The following BMPR1A variants were observed in gnomAD, a reference collection of about 807,000 sequenced individuals.
BMPR1A encodes the protein bone morphogenetic protein receptor type 1A.
A neutral mutation model predicts 66.0 loss-of-function variants in BMPR1A; 7 were observed. That is an observed-to-expected ratio of 0.11 (90% confidence interval 0.06 to 0.20). The LOEUF (loss-of-function observed/expected upper bound fraction) is 0.20. BMPR1A is among the 10% of genes least tolerant of loss of function. BMPR1A has a pLI of 1.00. For missense variants in BMPR1A, 408 were observed against 669.1 expected (o/e 0.61, Z 4.31); for synonymous variants, 200 against 229.7 (o/e 0.87, Z 1.17).
rs142292233 is a variant in BMPR1A at position 86,793,094 on chromosome 10, A to ACC, written c.-268+36183_-268+36184dup. Among the ~76,000 whole-genome samples the ACC allele has an allele frequency of 2.8e-3, 293 of 106,088 alleles. 1 individual carries two copies. The highest frequency in any genetic ancestry group is 0.013 in the Middle Eastern group (3 of 224). The allele number at this position is 106,088 out of a possible 152,430, so 69.6% of individuals were successfully genotyped here. ...TCCTTTTTTCATCCTCCTGATCTAT[A>ACC]CCCCCCCCCACCCCCCGCCACCCCA... is the stretch of plus-strand genomic sequence containing the variant. On this transcript the variant is annotated intron_variant, in intron 1 of 12. Transcript: ENST00000372037.
At chr10:86,852,950 C>A (rs1446870817) in intron 2 of BMPR1A, among the ~76,000 whole-genome samples, 1 of 151,994 alleles carries the variant, frequency 6.6e-6, no homozygotes, top group African/African-American at 2.4e-5. Context: ...AAAAAAGATA[C>A]ATTGAAGAGG....
In BMPR1A at chr10:86,912,122, C is replaced by T. The variant is rs2133542546; in HGVS notation, c.531-118C>T. 8.2e-6 allele frequency: 9 copies of T among 1,097,044 alleles called. No homozygotes were observed. The East Asian group carries it at 2.1e-4, about 25-fold the overall frequency. 68.0% of individuals were successfully genotyped at this position (1,097,044 alleles called of 1,614,324 possible). On this transcript the variant is annotated intron_variant, in intron 7 of 12. Coordinates refer to ENST00000372037, the MANE Select transcript of BMPR1A (RefSeq NM_004329.3). Reference sequence around the variant, plus strand: ...CAGGATATATTATCCAATGATAAGACTAATTTGGATAGGATTCTTTCTGAG... The same window carrying T: ...CAGGATATATTATCCAATGATAAGATTAATTTGGATAGGATTCTTTCTGAG...
chr10:86,909,878 G>T (rs1420054878), intron 7 of BMPR1A, among the ~76,000 whole-genome samples: 1 of 151,834 alleles, frequency 6.6e-6, no homozygotes, highest in Non-Finnish European at 1.5e-5. Context: ...AGGGAAAATA[G>T]GCATTCTCAT....
At chr10:86,899,149 C>T (rs1432469733) in intron 5 of BMPR1A, among the ~76,000 whole-genome samples, 1 of 152,224 alleles carries the variant, frequency 6.6e-6, no homozygotes, top group Non-Finnish European at 1.5e-5. Context: ...CAGCATTCAA[C>T]TTGTCAGATA....
At chr10:86,868,778 G>GTGTTTTTTTTT (rs572972222) in intron 2 of BMPR1A, among the ~76,000 whole-genome samples, 18 of 141,060 alleles carry the variant, frequency 1.3e-4, no homozygotes, top group African/African-American at 3.9e-4. Context: ...CTTTTCCTGT[G>GTGTTTTTTTTT]TTTTTTTTTT....
chr10:86,789,503 AG>A (rs1341937863), intron 1 of BMPR1A, among the ~76,000 whole-genome samples: 2 of 152,088 alleles, frequency 1.3e-5, no homozygotes, highest in African/African-American at 4.8e-5. Flanking sequence ...ACTTGAGGTC[AG>A]GAGTTCGAGA....
Position 86,923,370 on chromosome 10 carries a change from T to G in BMPR1A, c.1343-6T>G. ...TTTGTGCCCATGTTTTCTCATTCCC[T>G]TATAGGGATCGTGGAAGAATACCAA... On this transcript the variant is annotated splice_region_variant and splice_polypyrimidine_tract_variant and intron_variant, in intron 11 of 12. Coordinates refer to ENST00000372037, the MANE Select transcript of BMPR1A (RefSeq NM_004329.3). 1 of 1,614,140 alleles carries G rather than the reference T, an allele frequency of 6.2e-7. No homozygotes were observed. Among genetic ancestry groups the G allele is most frequent in the East Asian group, 2.2e-5 (1 of 44,874 alleles).
At chr10:86,782,948 C>T (rs1342236128) in intron 1 of BMPR1A, among the ~76,000 whole-genome samples, 1 of 152,118 alleles carries the variant, frequency 6.6e-6, no homozygotes, top group East Asian at 1.9e-4. Flanking sequence ...AAATCATTGC[C>T]AAATTCAGTA....
In BMPR1A at chr10:86,898,087, A is replaced by T. The variant is rs181311213; in HGVS notation, c.334-1707A>T. Among the ~76,000 whole-genome samples the T allele has an allele frequency of 8.9e-3, 1,356 of 151,952 alleles. 14 individuals are homozygous for T. Among genetic ancestry groups the T allele is most frequent in the Non-Finnish European group, 0.014 (974 of 67,964 alleles). On this transcript the variant is annotated intron_variant, in intron 5 of 12. Coordinates refer to ENST00000372037, the MANE Select transcript of BMPR1A (RefSeq NM_004329.3). ...CAGAGTCTATTTTTGGCTTCTTTTT[A>T]AAAATTATTATTTTTAGAGATAGGG... is the stretch of plus-strand genomic sequence containing the variant.
intron 1 of BMPR1A, among the ~76,000 whole-genome samples, chr10:86,793,889 C>A (rs956607714): frequency 1.3e-5 from 2 of 152,180 alleles, no homozygotes; most frequent in Admixed American, 6.5e-5. Flanking sequence ...GTGCCTCTTA[C>A]AGCCTCTAGA....
At position 86,782,449 on chromosome 10, in the gene BMPR1A, A is replaced by G. The variant is rs368643448; in HGVS notation, c.-268+25530A>G. On this transcript the variant is annotated intron_variant, in intron 1 of 12. Transcript: ENST00000372037. Reference sequence around the variant, plus strand: ...ATTGTACTGTTTTATAGTCCCACCAACAATGCACAGGAGTTCTAATTCCTC... The same window carrying G: ...ATTGTACTGTTTTATAGTCCCACCAGCAATGCACAGGAGTTCTAATTCCTC... Among the ~76,000 whole-genome samples, 6 of 152,218 alleles carry G rather than the reference A, an allele frequency of 3.9e-5. No individual in the cohort carries two copies. In the East Asian group the frequency reaches 7.7e-4, roughly 20 times the overall value.
At chr10:86,804,792 G>GTTTTTTTTTT (rs5786747) in intron 1 of BMPR1A, among the ~76,000 whole-genome samples, 1 of 57,262 alleles carries the variant, frequency 1.7e-5, no homozygotes, top group African/African-American at 8.2e-5. Flanking sequence ...GTTTGTAGGT[G>GTTTTTTTTTT]TTTTTTTTTT....
intron 1 of BMPR1A, among the ~76,000 whole-genome samples, chr10:86,778,615 CCTT>C (rs1012320582): frequency 3.4e-4 from 52 of 152,194 alleles, no homozygotes; most frequent in Middle Eastern, 3.4e-3. Context: ...TTGATATTCT[CCTT>C]CTAGCTATTT....
At chr10:86,899,921 T>C in intron 6 of BMPR1A, 31 bp downstream of exon 6, 2 of 1,610,594 alleles carry the variant, frequency 1.2e-6, no homozygotes, top group Non-Finnish European at 8.5e-7. Flanking sequence ...CGGAGCATGC[T>C]TCTCAAATAT....
At chr10:86,783,200 C>T (rs1362648510) in intron 1 of BMPR1A, among the ~76,000 whole-genome samples, 1 of 152,146 alleles carries the variant, frequency 6.6e-6, no homozygotes, top group African/African-American at 2.4e-5. Context: ...GCTGTCTGTT[C>T]TGTTCCATTG....
intron 1 of BMPR1A, among the ~76,000 whole-genome samples, chr10:86,757,399 G>A (rs958582549): frequency 3.9e-5 from 6 of 152,310 alleles, no homozygotes; most frequent in Admixed American, 2.0e-4. Context: ...TGGCCCCCGA[G>A]CTCCCGGAGC....
chr10:86,880,248 G>T (rs1420435441), intron 3 of BMPR1A, among the ~76,000 whole-genome samples: 1 of 152,098 alleles, frequency 6.6e-6, no homozygotes, highest in East Asian at 1.9e-4. Context: ...ATCTTGTCTT[G>T]ATGTGTGTTC....
rs1199136545 is a variant in BMPR1A at position 86,817,266 on chromosome 10, C to T, written c.-267-21599C>T. ...ACAACTCTCCCTTCTTCCCTTTCCC[C>T]ATCCTTGGCAACCATGATTCTACTG... is the stretch of plus-strand genomic sequence containing the variant. On this transcript the variant is annotated intron_variant, in intron 1 of 12. Coordinates refer to ENST00000372037, the MANE Select transcript of BMPR1A (RefSeq NM_004329.3). 3.3e-5 allele frequency among the ~76,000 whole-genome samples: 5 copies of T among 152,288 alleles called. No homozygotes were observed. In the East Asian group the frequency reaches 9.6e-4, roughly 29 times the overall value.
At chr10:86,931,501 G>A (rs964764963), downstream of BMPR1A, 9 of 151,462 alleles carry the variant, frequency 5.9e-5, no homozygotes, top group African/African-American at 2.2e-4. Context: ...CTGTGGGAGG[G>A]ATTTTAATCA....
Sources: gnomAD v4.1 joint callset for allele counts (sites outside exome capture counted in the v4.1 genomes callset) on GRCh38, gnomAD v4.1.1 for gene constraint, MANE v1.5 for transcripts, NCBI Gene and HGNC (gene_info 2026-07-23, HGNC 2026-07-21) for gene names.